The following SVIL variants were observed in gnomAD, a reference collection of about 807,000 sequenced individuals.
The protein encoded by SVIL is archvillin.
Under a neutral mutation model 240.4 loss-of-function variants are expected in SVIL, and 101 were observed. The observed-to-expected ratio is 0.42, with a 90% CI of 0.36 to 0.50. The LOEUF (loss-of-function observed/expected upper bound fraction) is 0.50. Ranked by LOEUF, SVIL falls within the 20% of genes least tolerant of loss-of-function variation. The probability of loss-of-function intolerance (pLI) is 0.01; values close to 1 mark genes in which losing one functional copy is unlikely to be tolerated. For synonymous variants in SVIL, 999 were observed against 1,100.0 expected (o/e 0.91, Z 1.82); for missense variants, 2,512 against 2,818.7 (o/e 0.89, Z 2.46).
intron 2 of SVIL, among the ~76,000 whole-genome samples, chr10:29,669,686 T>A (rs968589462): frequency 6.6e-6 from 1 of 152,128 alleles, no homozygotes; most frequent in African/African-American, 2.4e-5. Flanking sequence ...GTGGCCAGAC[T>A]GGGCCGCTGA....
chr10:29,526,839 TG>T, intron 13 of SVIL, 121 bp downstream of exon 13: 1 of 824,898 alleles, frequency 1.2e-6, no homozygotes, highest in Non-Finnish European at 1.8e-6. Context: ...CCACGCATTC[TG>T]GAACAACTCA....
intron 29 of SVIL, among the ~76,000 whole-genome samples, chr10:29,478,833 G>C (rs551294354): frequency 8.7e-4 from 129 of 148,638 alleles, no homozygotes; most frequent in Non-Finnish European, 1.4e-3. Flanking sequence ...GCTGAGGCAC[G>C]AGGATGGCTT....
At position 29,561,121 on chromosome 10, in the gene SVIL, G is replaced by A. The variant is rs185526251; in HGVS notation, c.-51+2080C>T. On this transcript the variant is annotated intron_variant, in intron 3 of 37. Coordinates refer to ENST00000355867, the MANE Select transcript of SVIL (RefSeq NM_021738.3). ...CAGATGCGAGCCACCATGCCCAGCC[G>A]GGGCACTGGCACTTTTAAAGCATGT... is the stretch of plus-strand genomic sequence containing the variant. Among the ~76,000 whole-genome samples the A allele has an allele frequency of 1.5e-4, 23 of 152,178 alleles. No homozygotes were observed. In the East Asian group the frequency reaches 2.3e-3, roughly 15 times the overall value.
chr10:29,487,943 A>C (rs1947575176), intron 23 of SVIL, among the ~76,000 whole-genome samples: 1 of 152,132 alleles, frequency 6.6e-6, no homozygotes, highest in Non-Finnish European at 1.5e-5. Context: ...ACACAGAAAC[A>C]TGTGGGAAAC....
intron 2 of SVIL, among the ~76,000 whole-genome samples, chr10:29,678,287 C>T (rs1252571201): frequency 2.6e-5 from 4 of 151,796 alleles, no homozygotes; most frequent in African/African-American, 9.7e-5. Context: ...TAGATAGTCC[C>T]ATCTAAGGGT....
Position 29,486,567 on chromosome 10 carries a change from A to G in SVIL, c.4486-10T>C. ...TTGCAAGTTCTGAGGCCTAAAAAAGAGAGGAACACAATTGCCTGGGTAGAA... is the reference window on the plus strand; with the variant it reads ...TTGCAAGTTCTGAGGCCTAAAAAAGGGAGGAACACAATTGCCTGGGTAGAA... On this transcript the variant is annotated splice_polypyrimidine_tract_variant and intron_variant, in intron 24 of 37. Coordinates refer to ENST00000355867, the MANE Select transcript of SVIL (RefSeq NM_021738.3). 1 of 1,614,132 alleles carries G rather than the reference A, an allele frequency of 6.2e-7. No homozygotes were observed. Among genetic ancestry groups the G allele is most frequent in the Non-Finnish European group, 8.5e-7 (1 of 1,180,004 alleles).
intron 1 of SVIL, among the ~76,000 whole-genome samples, chr10:29,705,388 A>G (rs759066322): frequency 6.6e-6 from 1 of 152,114 alleles, no homozygotes; most frequent in Non-Finnish European, 1.5e-5. Context: ...TGAGGAAATG[A>G]TCCTAGATAT....
intron 1 of SVIL, among the ~76,000 whole-genome samples, chr10:29,633,366 G>A (rs1958183839): frequency 6.6e-6 from 1 of 152,106 alleles, no homozygotes; most frequent in African/African-American, 2.4e-5. Context: ...TTACTCAACA[G>A]GGGATACCAC....
intron 1 of SVIL, among the ~76,000 whole-genome samples, chr10:29,719,458 T>C (rs2132689455): frequency 6.6e-6 from 1 of 152,270 alleles, no homozygotes; most frequent in Admixed American, 6.5e-5. Context: ...GAAGATAACA[T>C]TGCAATGTCT....
intron 6 of SVIL, 54 bp from the exon 7 acceptor site, chr10:29,536,123 A>G: frequency 6.6e-7 from 1 of 1,523,060 alleles, no homozygotes; most frequent in Non-Finnish European, 9.1e-7. Context: ...GTCAACATAT[A>G]CACAGACTTT....
chr10:29,481,551 G>T (rs1473331451), intron 28 of SVIL, 33 bp downstream of exon 28: 3 of 1,611,938 alleles, frequency 1.9e-6, no homozygotes, highest in Non-Finnish European at 2.5e-6. Context: ...CCCGAACCAA[G>T]CCCCGAGTTT....
At position 29,487,262 on chromosome 10, in the gene SVIL, T is replaced by C. The variant is rs151269627; in HGVS notation, c.4386A>G (p.Arg1462=). The part of the protein sequence containing the change: ...RHVQTRLVEP[R]ASALNSGDCF... ...AGTCCCCACTGTTGAGCGCCGAAGC[T>C]CGAGGTTCCACCAGCCTGGTCTGCA... The change falls in exon 24 of 38, where the codon CGA becomes CGG. Residue 1462 remains arginine, a synonymous_variant. Coordinates refer to ENST00000355867, the MANE Select transcript of SVIL (RefSeq NM_021738.3). 2,178 of 1,614,160 alleles carry C rather than the reference T, an allele frequency of 1.3e-3. 31 individuals are homozygous for C. In the African/African-American group the frequency reaches 0.024, roughly 17 times the overall value.
At chr10:29,597,473 G>T (rs1956640557) in intron 1 of SVIL, among the ~76,000 whole-genome samples, 1 of 152,092 alleles carries the variant, frequency 6.6e-6, no homozygotes. Flanking sequence ...AGGCTGGAGA[G>T]CAGTGGCAAT....
At chr10:29,492,191 C>T (rs938966307) in intron 21 of SVIL, among the ~76,000 whole-genome samples, 3 of 152,100 alleles carry the variant, frequency 2.0e-5, no homozygotes, top group African/African-American at 7.2e-5. Flanking sequence ...CCGCCTTTAC[C>T]CAGTCAGCAT....
chr10:29,531,524 GAAC>G (rs1951368238), intron 9 of SVIL, among the ~76,000 whole-genome samples: 1 of 152,206 alleles, frequency 6.6e-6, no homozygotes, highest in Non-Finnish European at 1.5e-5. Flanking sequence ...CCAGGCACAA[GAAC>G]AACTTGTTAA....
chr10:29,680,885 C>T (rs1960587298), intron 2 of SVIL, among the ~76,000 whole-genome samples: 1 of 151,878 alleles, frequency 6.6e-6, no homozygotes, highest in South Asian at 2.1e-4. Context: ...TACCACTGCA[C>T]TCCAGCCTGG....
At chr10:29,638,610 A>T (rs1396744819), upstream of SVIL, among the ~76,000 whole-genome samples, 1 of 152,210 alleles carries the variant, frequency 6.6e-6, no homozygotes, top group Non-Finnish European at 1.5e-5. Context: ...ACATAAATCT[A>T]TAGAGATTTA....
In SVIL at chr10:29,470,494, C is replaced by A; in HGVS notation, c.5636-11G>T. ...ACAGCCGCCACTCACCTGCAGGGGGCACCGGCGGCGCGGAGGAGTTAGCAC... is the reference window on the plus strand; with the variant it reads ...ACAGCCGCCACTCACCTGCAGGGGGAACCGGCGGCGCGGAGGAGTTAGCAC... On this transcript the variant is annotated splice_polypyrimidine_tract_variant and intron_variant, in intron 31 of 37. Coordinates refer to ENST00000355867, the MANE Select transcript of SVIL (RefSeq NM_021738.3). The A allele has an allele frequency of 6.2e-7, 1 of 1,613,890 alleles. No individual in the cohort carries two copies. Among genetic ancestry groups the A allele is most frequent in the Middle Eastern group, 1.7e-4 (1 of 6,054 alleles).
In SVIL at chr10:29,480,759, G is replaced by A; in HGVS notation, c.5155C>T (p.Pro1719Ser). 2 of 1,613,906 alleles carry A rather than the reference G, an allele frequency of 1.2e-6. No individual in the cohort carries two copies. The highest frequency in any genetic ancestry group is 2.2e-5 in the East Asian group (1 of 44,876). Residue 1719 changes from proline to serine, a missense_variant, in exon 29 of 38, where the codon CCC becomes TCC. Physicochemically the swap from Pro to Ser is moderately conservative, Grantham distance 74. Transcript: ENST00000355867. ...AGGATGGTGCCTGCTGTCGTCTGGG[G>A]CATGGACACCATCCGTGTCACATCG... ...AYDVTRMVSM[P>S]QTTAGTILDG...
Sources: allele counts gnomAD v4.1 joint callset (sites outside exome capture counted in the v4.1 genomes callset), GRCh38; gene constraint gnomAD v4.1.1; transcripts MANE v1.5; gene names NCBI Gene and HGNC (gene_info 2026-07-23, HGNC 2026-07-21).